The following GPHN variants were observed in gnomAD, a reference collection of about 807,000 sequenced individuals.
GPHN encodes the protein gephyrin.
Under a neutral mutation model 95.5 loss-of-function variants are expected in GPHN, and 17 were observed. The ratio of observed to expected loss-of-function variants is 0.18; its 90% CI spans 0.12 to 0.27. The LOEUF is 0.27. Among genes scored for constraint, GPHN ranks in the 10% least tolerant of loss-of-function variants. The probability of loss-of-function intolerance (pLI) is 1.00; values close to 1 mark genes in which losing one functional copy is unlikely to be tolerated. For missense variants in GPHN, 660 were observed against 978.1 expected, an observed-to-expected ratio of 0.67 and a Z score of 4.34; for synonymous variants, 320 against 322.5, an observed-to-expected ratio of 0.99 and a Z score of 0.08.
the GPHN span, among the ~76,000 whole-genome samples, chr14:67,721,213 G>C: frequency 6.6e-6 from 1 of 152,176 alleles, no homozygotes; most frequent in Admixed American, 6.5e-5. Context: ...CTGGGGTCCT[G>C]TCCCAGCTCC....
chr14:67,359,885 G>C, the GPHN span: 1 of 663,362 alleles, frequency 1.5e-6, no homozygotes. Context: ...AGGCGACGAA[G>C]GGGGAGGACA....
At chr14:67,237,275 A>C in the GPHN span, among the ~76,000 whole-genome samples, 1 of 152,074 alleles carries the variant, frequency 6.6e-6, no homozygotes, top group Admixed American at 6.5e-5. Context: ...GAAAATTCTA[A>C]GTACTAATTC....
the GPHN span, chr14:67,586,955 T>C: frequency 6.5e-7 from 1 of 1,542,872 alleles, no homozygotes; most frequent in Non-Finnish European, 8.7e-7. Flanking sequence ...CCCAGGTGGG[T>C]ATTTTAAGAG....
At chr14:67,387,865 ATCT>A in the GPHN span, among the ~76,000 whole-genome samples, 3 of 152,340 alleles carry the variant, frequency 2.0e-5, no homozygotes, top group African/African-American at 4.8e-5. Flanking sequence ...TGGGAATAAT[ATCT>A]TCTTACTATG....
chr14:67,091,634 AT>A (rs2077150197), intron 12 of GPHN, among the ~76,000 whole-genome samples: 1 of 151,936 alleles, frequency 6.6e-6, no homozygotes, highest in Admixed American at 6.6e-5. Flanking sequence ...AGGCAGAATT[AT>A]TCCCAAACAG....
chr14:66,863,601 G>A (rs929039094), intron 4 of GPHN, among the ~76,000 whole-genome samples: 1 of 152,022 alleles, frequency 6.6e-6, no homozygotes, highest in African/African-American at 2.4e-5. Context: ...ATACAGCATG[G>A]TACTGGCATA....
At chr14:66,623,572 T>C (rs1337523631) in intron 1 of GPHN, among the ~76,000 whole-genome samples, 17 of 149,144 alleles carry the variant, frequency 1.1e-4, no homozygotes, top group African/African-American at 4.2e-4. Flanking sequence ...AAGCTGAGAT[T>C]GTGCCACTGT....
At chr14:66,938,053 G>A (rs535369851) in intron 8 of GPHN, among the ~76,000 whole-genome samples, 1 of 152,270 alleles carries the variant, frequency 6.6e-6, no homozygotes, top group South Asian at 2.1e-4. Flanking sequence ...CAGGAGTACA[G>A]CCAATATTTT....
intron 1 of GPHN, among the ~76,000 whole-genome samples, chr14:66,522,593 C>T (rs1379472482): frequency 1.3e-5 from 2 of 152,036 alleles, no homozygotes; most frequent in Admixed American, 1.3e-4. Context: ...TGTTCAACAC[C>T]TTTTTAGGAA....
the GPHN span, among the ~76,000 whole-genome samples, chr14:67,731,076 AAATG>A: frequency 3.3e-5 from 5 of 152,214 alleles, no homozygotes; most frequent in East Asian, 1.9e-4. Context: ...TTAACTCAAT[AAATG>A]AATGTGTAAT....
At chr14:67,724,721 G>A in the GPHN span, 3 of 757,838 alleles carry the variant, frequency 4.0e-6, no homozygotes, top group Non-Finnish European at 7.0e-6. Context: ...AGGAACCTGG[G>A]ATTCAAGTCC....
At chr14:67,659,844 G>A in the GPHN span, 202 of 1,614,018 alleles carry the variant, frequency 1.3e-4, no homozygotes, top group Non-Finnish European at 1.6e-4. Context: ...AGGTCCTTCC[G>A]GTAGTTTCGA....
chr14:67,687,626 C>T, the GPHN span, among the ~76,000 whole-genome samples: 1 of 152,108 alleles, frequency 6.6e-6, no homozygotes, highest in Admixed American at 6.6e-5. Flanking sequence ...CACACGCCAA[C>T]ATGCCCGGCT....
chr14:67,433,127 C>T, the GPHN span, among the ~76,000 whole-genome samples: 10 of 152,230 alleles, frequency 6.6e-5, no homozygotes, highest in South Asian at 2.1e-3. Context: ...TGTCCCAACC[C>T]AGGAAGTTGA....
chr14:66,659,326 A>G (rs1282876103), intron 1 of GPHN, among the ~76,000 whole-genome samples: 3 of 151,888 alleles, frequency 2.0e-5, no homozygotes, highest in Non-Finnish European at 4.4e-5. Flanking sequence ...TATTTCAATT[A>G]TTTTACAATA....
At chr14:67,278,341 C>CTT in the GPHN span, among the ~76,000 whole-genome samples, 5 of 138,228 alleles carry the variant, frequency 3.6e-5, no homozygotes, top group East Asian at 4.2e-4. Context: ...CGGCCCAATT[C>CTT]TTTTTTTTTT....
At chr14:67,096,958 A>G (rs2077427303) in intron 12 of GPHN, among the ~76,000 whole-genome samples, 1 of 152,152 alleles carries the variant, frequency 6.6e-6, no homozygotes, top group Non-Finnish European at 1.5e-5. Flanking sequence ...AAAAGTATAT[A>G]TAACAAATAT....
chr14:67,232,679 A>G, the GPHN span, among the ~76,000 whole-genome samples: 47 of 152,348 alleles, frequency 3.1e-4, no homozygotes, highest in South Asian at 9.7e-3. Flanking sequence ...TCTTCATTAA[A>G]GTGAATTCTC....
At chr14:67,333,855 T>C in the GPHN span, 1 of 152,640 alleles carries the variant, frequency 6.6e-6, no homozygotes, top group East Asian at 1.9e-4. Context: ...GTTTTTTGTA[T>C]ACATGGGAGG....
Sources: allele counts gnomAD v4.1 joint callset (sites outside exome capture counted in the v4.1 genomes callset), GRCh38; gene constraint gnomAD v4.1.1; transcripts MANE v1.5; gene names NCBI Gene and HGNC (gene_info 2026-07-23, HGNC 2026-07-21).